The following EPRS1 variants were observed in gnomAD, a reference collection of about 807,000 sequenced individuals.
EPRS1 encodes the protein glutamyl-prolyl-tRNA synthetase 1, also known as bifunctional glutamate/proline--tRNA ligase.
Under a neutral mutation model 188.3 loss-of-function variants are expected in EPRS1, and 107 were observed. That is an observed-to-expected ratio of 0.57 (90% CI 0.49 to 0.67). The LOEUF (loss-of-function observed/expected upper bound fraction) is 0.67, where lower values mean the gene tolerates loss of function less well. Among genes scored for constraint, EPRS1 ranks in the 30% least tolerant of loss-of-function variants. The pLI is 0.00. For synonymous variants in EPRS1, 596 were observed against 593.1 expected, an observed-to-expected ratio of 1.00 and a Z score of -0.07; for missense variants, 1,577 against 1,802.2, an observed-to-expected ratio of 0.88 and a Z score of 2.26.
At chr1:220,016,929 A>G (rs915056657) in intron 12 of EPRS1, among the ~76,000 whole-genome samples, 2 of 152,066 alleles carry the variant, frequency 1.3e-5, no homozygotes, top group African/African-American at 2.4e-5. Flanking sequence ...CAATATAAGC[A>G]ACAGGCCGGA....
At chr1:220,008,053 G>T (rs1261565316) in intron 13 of EPRS1, among the ~76,000 whole-genome samples, 1 of 149,920 alleles carries the variant, frequency 6.7e-6, no homozygotes, top group African/African-American at 2.5e-5. Context: ...GCTGCAGTGA[G>T]CCGAGATTGC....
chr1:220,012,669 C>T (rs1661626320), intron 12 of EPRS1, among the ~76,000 whole-genome samples: 1 of 152,220 alleles, frequency 6.6e-6, no homozygotes, highest in Admixed American at 6.5e-5. Flanking sequence ...TTTCAAATTA[C>T]TCCAAAGAGT....
intron 20 of EPRS1, among the ~76,000 whole-genome samples, 196 bp from the exon 21 acceptor site, chr1:219,984,453 C>T (rs905780853): frequency 1.2e-4 from 19 of 152,202 alleles, no homozygotes; most frequent in Non-Finnish European, 2.6e-4. Context: ...GGGTCTTACT[C>T]TGTCACCCAG....
At position 219,979,601 on chromosome 1, in the gene EPRS1, A is replaced by G; in HGVS notation, c.3726T>C (p.His1242=). 1 of 1,611,696 alleles carries G rather than the reference A, an allele frequency of 6.2e-7. No individual in the cohort carries two copies. The highest frequency in any genetic ancestry group is 2.2e-5 in the East Asian group (1 of 44,846). The change falls in exon 27 of 32, where the codon CAT becomes CAC. Residue 1242 remains histidine, a synonymous_variant. Transcript: ENST00000366923. Reference sequence around the variant, plus strand: ...TTTTGGAAAAATTCTGCCCTAAATGATGTGATGTTCCTCCCTAAAATAGAG... The same window carrying G: ...TTTTGGAAAAATTCTGCCCTAAATGGTGTGATGTTCCTCCCTAAAATAGAG... ...SGRAIQGGTS[H]HLGQNFSKMF...
At chr1:220,020,985 T>G (rs1015656298) in intron 9 of EPRS1, among the ~76,000 whole-genome samples, 1 of 151,142 alleles carries the variant, frequency 6.6e-6, no homozygotes, top group African/African-American at 2.4e-5. Context: ...TGGGTTCAAG[T>G]GATTCTCAGC....
At chr1:220,006,025 G>A in intron 15 of EPRS1, 81 bp downstream of exon 15, 1 of 760,762 alleles carries the variant, frequency 1.3e-6, no homozygotes, top group Non-Finnish European at 2.0e-6. Flanking sequence ...TTTTATCTGA[G>A]GATCCGAAAT....
chr1:219,992,506 T>C (rs1282037641), intron 18 of EPRS1, among the ~76,000 whole-genome samples: 1 of 152,260 alleles, frequency 6.6e-6, no homozygotes, highest in East Asian at 1.9e-4. Context: ...AAACTTTTTC[T>C]ATAAAGGGCT....
intron 30 of EPRS1, among the ~76,000 whole-genome samples, chr1:219,970,264 T>C (rs1660639090): frequency 6.6e-6 from 1 of 152,202 alleles, no homozygotes; most frequent in Non-Finnish European, 1.5e-5. Context: ...AGCAAAGTTG[T>C]GAATAATCTC....
intron 1 of EPRS1, among the ~76,000 whole-genome samples, chr1:220,043,007 T>C (rs1467569975): frequency 6.6e-6 from 1 of 152,154 alleles, no homozygotes; most frequent in Non-Finnish European, 1.5e-5. Flanking sequence ...TCAGAAGTAT[T>C]ATCCTAGGCA....
chr1:219,975,793 C>G (rs1355307079), intron 28 of EPRS1, among the ~76,000 whole-genome samples: 2 of 152,000 alleles, frequency 1.3e-5, no homozygotes, highest in Non-Finnish European at 2.9e-5. Context: ...TGGTTTTCAA[C>G]ATACATAAAT....
intron 5 of EPRS1, 55 bp downstream of exon 5, chr1:220,032,332 C>T (rs572329162): frequency 1.1e-3 from 1,562 of 1,456,368 alleles, no homozygotes; most frequent in Non-Finnish European, 1.3e-3. Flanking sequence ...GTGATCCGCC[C>T]GCCTCAGCCT....
At position 220,037,224 on chromosome 1, in the gene EPRS1, G is replaced by C. The variant is rs183211015; in HGVS notation, c.132-2211C>G. Among the ~76,000 whole-genome samples, 8 of 152,132 alleles carry C rather than the reference G, an allele frequency of 5.3e-5. No homozygotes were observed. In the South Asian group the frequency reaches 1.5e-3, roughly 28 times the overall value. On this transcript the variant is annotated intron_variant, in intron 2 of 31. Coordinates refer to ENST00000366923, the MANE Select transcript of EPRS1 (RefSeq NM_004446.3). Reference sequence around the variant, plus strand: ...CATCTCTAAAAATAAAAATAAAGAGGCCAGGCGTGGTGGCTCACGCCTGTG... The same window carrying C: ...CATCTCTAAAAATAAAAATAAAGAGCCCAGGCGTGGTGGCTCACGCCTGTG...
At chr1:219,976,274 G>C (rs780761272) in intron 28 of EPRS1, among the ~76,000 whole-genome samples, 2 of 152,154 alleles carry the variant, frequency 1.3e-5, no homozygotes, top group Non-Finnish European at 2.9e-5. Context: ...TCAAGATCAC[G>C]ATAATCAAAG....
At chr1:220,028,537 T>C (rs2577148) in intron 6 of EPRS1, among the ~76,000 whole-genome samples, 121,720 of 151,830 alleles carry the variant, frequency 0.8, 48,946 homozygotes, top group East Asian at 0.93. Flanking sequence ...GCTTCTGCCA[T>C]ATGTTAACAG....
chr1:219,979,939 G>T, intron 26 of EPRS1, 146 bp downstream of exon 26: 2 of 728,692 alleles, frequency 2.7e-6, no homozygotes, highest in Non-Finnish European at 4.5e-6. Context: ...AGAGGAATGG[G>T]ATAGATTTGT....
intron 18 of EPRS1, among the ~76,000 whole-genome samples, chr1:219,989,755 A>G (rs1246365424): frequency 1.3e-5 from 2 of 152,172 alleles, no homozygotes; most frequent in African/African-American, 2.4e-5. Flanking sequence ...TCTGCCTATT[A>G]GAGTGTCATA....
chr1:219,984,678 C>T (rs1660969357), intron 20 of EPRS1, among the ~76,000 whole-genome samples: 1 of 152,164 alleles, frequency 6.6e-6, no homozygotes, highest in African/African-American at 2.4e-5. Flanking sequence ...CTGTTCTGGC[C>T]TCCCAGAGTG....
chr1:219,982,635 A>T, intron 23 of EPRS1, 137 bp downstream of exon 23: 4 of 662,752 alleles, frequency 6.0e-6, no homozygotes, highest in Non-Finnish European at 7.9e-6. Context: ...TTTGCATTCA[A>T]TCTTCATCAA....
At chr1:220,031,207 T>C (rs1571695368) in intron 5 of EPRS1, among the ~76,000 whole-genome samples, 1 of 151,832 alleles carries the variant, frequency 6.6e-6, no homozygotes. Flanking sequence ...GGAATGCATA[T>C]TGGGTGGGTA....
Sources: allele counts gnomAD v4.1 joint callset (sites outside exome capture counted in the v4.1 genomes callset), GRCh38; gene constraint gnomAD v4.1.1; transcripts MANE v1.5; gene names NCBI Gene and HGNC (gene_info 2026-07-23, HGNC 2026-07-21).